Variants in UBE2D2 observed in about 807,000 individuals in gnomAD.
The protein encoded by UBE2D2 is ubiquitin-conjugating enzyme E2 D2.
UBE2D2 carries 2 observed loss-of-function variants against 24.2 expected under a neutral mutation model. The observed-to-expected ratio is 0.08, with a 90% CI of 0.03 to 0.26. The LOEUF (loss-of-function observed/expected upper bound fraction) is 0.26, where lower values mean the gene tolerates loss of function less well. Ranked by LOEUF, UBE2D2 falls within the 10% of genes least tolerant of loss-of-function variation. The probability of loss-of-function intolerance (pLI) is 1.00; values close to 1 mark genes in which losing one functional copy is unlikely to be tolerated. For synonymous variants in UBE2D2, 58 were observed against 56.5 expected (o/e 1.03, Z -0.12); for missense variants, 44 against 177.6 (o/e 0.25, Z 4.28).
intron 2 of UBE2D2, among the ~76,000 whole-genome samples, chr5:139,613,347 A>G (rs1754361976): frequency 6.6e-6 from 1 of 152,208 alleles, no homozygotes; most frequent in Non-Finnish European, 1.5e-5. Context: ...CCCAGTGACA[A>G]CTTCCCTTAG....
intron 1 of UBE2D2, among the ~76,000 whole-genome samples, chr5:139,573,739 G>A (rs1479841087): frequency 2.0e-5 from 3 of 152,066 alleles, no homozygotes; most frequent in African/African-American, 7.2e-5. Flanking sequence ...GGAGGCTGAG[G>A]CGGGCGAATC....
intron 1 of UBE2D2, among the ~76,000 whole-genome samples, chr5:139,540,854 C>T (rs988189518): frequency 2.0e-5 from 3 of 150,316 alleles, no homozygotes; most frequent in African/African-American, 7.4e-5. Flanking sequence ...ATTTGCTGGG[C>T]ATGGTGGCAG....
At chr5:139,623,574 T>G in intron 6 of UBE2D2, 113 bp downstream of exon 6, 1 of 738,292 alleles carries the variant, frequency 1.4e-6, no homozygotes. Flanking sequence ...GAAGTCCTAA[T>G]ATACTCTCCT....
At chr5:139,561,140 T>G (rs549120186), upstream of UBE2D2, 4 of 152,584 alleles carry the variant, frequency 2.6e-5, no homozygotes, top group Non-Finnish European at 4.4e-5. Context: ...ACTCGCGCTC[T>G]AGATCTCGCG....
intron 1 of UBE2D2, among the ~76,000 whole-genome samples, chr5:139,542,874 T>C (rs897226293): frequency 1.3e-5 from 2 of 152,198 alleles, no homozygotes; most frequent in African/African-American, 4.8e-5. Context: ...CTGTGTTGTT[T>C]TAATAGTTTA....
At chr5:139,597,888 T>C (rs904637451) in intron 1 of UBE2D2, among the ~76,000 whole-genome samples, 1 of 152,210 alleles carries the variant, frequency 6.6e-6, no homozygotes, top group African/African-American at 2.4e-5. Context: ...TCCAGAGCCT[T>C]CTTTTTATTC....
intron 1 of UBE2D2, among the ~76,000 whole-genome samples, chr5:139,552,319 C>T (rs1050411429): frequency 2.0e-5 from 3 of 151,980 alleles, no homozygotes; most frequent in African/African-American, 4.8e-5. Context: ...TGCACCACCA[C>T]GCCTGGCTAA....
At chr5:139,613,541 G>A (rs1212675606) in intron 2 of UBE2D2, among the ~76,000 whole-genome samples, 1 of 152,096 alleles carries the variant, frequency 6.6e-6, no homozygotes, top group Non-Finnish European at 1.5e-5. Context: ...AAGTATCCCT[G>A]GAGCTTGTAA....
chr5:139,577,608 T>C (rs1476547617), intron 1 of UBE2D2, among the ~76,000 whole-genome samples: 1 of 151,968 alleles, frequency 6.6e-6, no homozygotes, highest in East Asian at 1.9e-4. Context: ...AAGATGGGGT[T>C]TCATTATATT....
At chr5:139,584,776 A>G (rs770966912) in intron 1 of UBE2D2, among the ~76,000 whole-genome samples, 2 of 151,328 alleles carry the variant, frequency 1.3e-5, no homozygotes, top group Non-Finnish European at 2.9e-5. Flanking sequence ...CAGGTGATCC[A>G]CCTGCCTCGG....
Position 139,562,538 on chromosome 5 carries a change from G to A in UBE2D2, c.24+723G>A. 5 of 985,824 alleles carry A rather than the reference G, an allele frequency of 5.1e-6. No homozygotes were observed. In the South Asian group the frequency reaches 6.1e-5, roughly 12 times the overall value. 61.1% of individuals were successfully genotyped at this position (985,824 alleles called of 1,614,324 possible). A position where few individuals can be genotyped will look rare whatever the true frequency, so the allele number is the denominator to read the frequency against. ...ATAGAAAAGCTGTACATTGGCAAAG[G>A]TAGAGGTAGAAACCTGAACATTGAA... On this transcript the variant is annotated intron_variant, in intron 1 of 6. Transcript: ENST00000398733.
intron 1 of UBE2D2, among the ~76,000 whole-genome samples, chr5:139,534,897 G>C (rs2126628602): frequency 6.6e-6 from 1 of 152,192 alleles, no homozygotes; most frequent in Middle Eastern, 3.4e-3. Flanking sequence ...CCAGCAGTTT[G>C]GGAGGCCAAG....
intron 1 of UBE2D2, among the ~76,000 whole-genome samples, chr5:139,576,791 C>G (rs951995208): frequency 2.0e-5 from 3 of 152,042 alleles, no homozygotes; most frequent in Non-Finnish European, 4.4e-5. Flanking sequence ...AAAGACATTT[C>G]TTTAGATGTA....
At chr5:139,533,792 T>C (rs978290956) in intron 1 of UBE2D2, among the ~76,000 whole-genome samples, 1 of 151,696 alleles carries the variant, frequency 6.6e-6, no homozygotes, top group Non-Finnish European at 1.5e-5. Flanking sequence ...ACATCTTTTT[T>C]TTTTTTTTGA....
rs566511613 is a variant in UBE2D2, at chr5:139,573,855, C to T, written c.24+12040C>T. Among the ~76,000 whole-genome samples, 3 of 152,200 alleles carry T rather than the reference C, an allele frequency of 2.0e-5. No individual in the cohort carries two copies. The East Asian group carries it at 5.8e-4, about 29-fold the overall frequency. On this transcript the variant is annotated intron_variant, in intron 1 of 6. Coordinates refer to ENST00000398733, the MANE Select transcript of UBE2D2 (RefSeq NM_003339.3). Reference sequence around the variant, plus strand: ...GTGTGGTGGCGGGTGCCTGTAATCCCAGCTACTTGAGAGGCTGAGGCAGGA... The same window carrying T: ...GTGTGGTGGCGGGTGCCTGTAATCCTAGCTACTTGAGAGGCTGAGGCAGGA...
intron 1 of UBE2D2, among the ~76,000 whole-genome samples, chr5:139,579,204 A>G (rs1342410625): frequency 3.3e-5 from 5 of 151,638 alleles, no homozygotes; most frequent in South Asian, 2.1e-4. Flanking sequence ...CTGGAGTGCA[A>G]TGGTGCGATC....
chr5:139,536,219 C>A (rs1752680404), intron 1 of UBE2D2, among the ~76,000 whole-genome samples: 1 of 152,168 alleles, frequency 6.6e-6, no homozygotes, highest in Admixed American at 6.6e-5. Flanking sequence ...CCTGCCTCAG[C>A]CTCCGGAGTA....
chr5:139,562,403 A>G (rs1753127970), intron 1 of UBE2D2: 2 of 1,313,564 alleles, frequency 1.5e-6, no homozygotes, highest in Non-Finnish European at 2.0e-6. Flanking sequence ...GAAGAAAAAA[A>G]AAAGGTGACT....
chr5:139,570,516 T>A (rs1167986711), intron 1 of UBE2D2, among the ~76,000 whole-genome samples: 1 of 150,586 alleles, frequency 6.6e-6, no homozygotes, highest in Non-Finnish European at 1.5e-5. Context: ...AATTTTTGTT[T>A]TTTGTTTTTA....
Sources: allele counts gnomAD v4.1 joint callset (sites outside exome capture counted in the v4.1 genomes callset), GRCh38; gene constraint gnomAD v4.1.1; transcripts MANE v1.5; gene names NCBI Gene and HGNC (gene_info 2026-07-23, HGNC 2026-07-21).